Variants in CWF19L2 observed in about 807,000 individuals in gnomAD.
The protein encoded by CWF19L2 is CWF19 like cell cycle control factor 2.
CWF19L2 carries 98 observed loss-of-function variants against 111.7 expected under a neutral mutation model. The observed-to-expected ratio is 0.88, with a 90% CI of 0.75 to 1.04. CWF19L2 has a LOEUF of 1.04. Ranked by LOEUF, CWF19L2 falls within the 50% of genes least tolerant of loss-of-function variation. The probability of loss-of-function intolerance (pLI) is 0.00; values close to 1 mark genes in which losing one functional copy is unlikely to be tolerated. For synonymous variants in CWF19L2, 351 were observed against 342.9 expected (o/e 1.02, Z -0.26); for missense variants, 1,101 against 1,051.4 (o/e 1.05, Z -0.65).
At chr11:107,389,977 A>C in intron 12 of CWF19L2, 97 bp downstream of exon 12, 1 of 1,024,344 alleles carries the variant, frequency 9.8e-7, no homozygotes, top group Non-Finnish European at 1.4e-6. Flanking sequence ...AAATGAATCA[A>C]GATTAGAGAG....
chr11:107,421,946 G>A (rs35576861), intron 8 of CWF19L2, among the ~76,000 whole-genome samples: 20,366 of 152,036 alleles, frequency 0.13, 1,612 homozygotes, highest in Non-Finnish European at 0.17. Context: ...TAGCCAAAAC[G>A]TGGAAACAAT....
chr11:107,379,693 A>G (rs1408637998), intron 12 of CWF19L2, among the ~76,000 whole-genome samples: 1 of 152,224 alleles, frequency 6.6e-6, no homozygotes, highest in Non-Finnish European at 1.5e-5. Flanking sequence ...ATGAAAGCTA[A>G]TTTGTTTTCC....
At chr11:107,418,064 T>C in intron 9 of CWF19L2, 130 bp downstream of exon 9, 1 of 669,524 alleles carries the variant, frequency 1.5e-6, no homozygotes, top group South Asian at 1.6e-5. Flanking sequence ...GAGAATTTCT[T>C]TAAGGAATCA....
At chr11:107,386,495 A>C (rs1860768563) in intron 12 of CWF19L2, among the ~76,000 whole-genome samples, 1 of 152,164 alleles carries the variant, frequency 6.6e-6, no homozygotes, top group Non-Finnish European at 1.5e-5. Context: ...ACCCATAGTT[A>C]TTAAAGTCAC....
At chr11:107,435,563 A>G (rs959029461) in intron 6 of CWF19L2, among the ~76,000 whole-genome samples, 10 of 152,170 alleles carry the variant, frequency 6.6e-5, no homozygotes, top group Non-Finnish European at 1.3e-4. Flanking sequence ...AGGAAATCCA[A>G]TGGGAGTAAA....
intron 12 of CWF19L2, among the ~76,000 whole-genome samples, chr11:107,373,658 C>A (rs1860550613): frequency 7.7e-6 from 1 of 130,162 alleles, no homozygotes. Flanking sequence ...GATAAAACCA[C>A]AAAGATGGGG....
At chr11:107,403,797 C>G (rs937772906) in intron 10 of CWF19L2, 2 of 869,228 alleles carry the variant, frequency 2.3e-6, no homozygotes, top group African/African-American at 3.3e-5. Context: ...TCCATATCCA[C>G]TTCTACTGTC....
In CWF19L2 at chr11:107,326,641, G is replaced by A. The variant is rs898635827; in HGVS notation, c.*269C>T. On this transcript the variant is annotated 3_prime_UTR_variant, in exon 18 of 18. Transcript: ENST00000282251. ...CTTCTCTAAATTAACTGAACAATTC[G>A]GAATACCAAGAAGTAGGTAGAGAGC... 4 of 297,712 alleles carry A rather than the reference G, an allele frequency of 1.3e-5. No individual in the cohort carries two copies. The highest frequency in any genetic ancestry group is 1.1e-4 in the East Asian group (2 of 18,404). 18.4% of individuals were successfully genotyped at this position (297,712 alleles called of 1,614,324 possible).
chr11:107,443,205 G>C (rs553106062), intron 3 of CWF19L2, among the ~76,000 whole-genome samples, 156 bp from the exon 4 acceptor site: 1 of 152,260 alleles, frequency 6.6e-6, no homozygotes, highest in East Asian at 1.9e-4. Flanking sequence ...AAAGAGCTGG[G>C]TGTGGTGGCT....
chr11:107,349,946 A>T (rs1359873605), intron 13 of CWF19L2, among the ~76,000 whole-genome samples: 1 of 152,176 alleles, frequency 6.6e-6, no homozygotes, highest in African/African-American at 2.4e-5. Context: ...GAAATCACTG[A>T]ATTTTCTACA....
rs562782442 is a variant in CWF19L2, at chr11:107,423,882, C to T, written c.1433+4917G>A. The stretch of plus-strand genomic sequence containing the variant: ...TGAGGATTATTAACACAAACGACTA[C>T]ATCAAATGTCAATATGACAATAGAT... On this transcript the variant is annotated intron_variant, in intron 8 of 17. Coordinates refer to ENST00000282251, the MANE Select transcript of CWF19L2 (RefSeq NM_152434.3). Among the ~76,000 whole-genome samples, 113 of 151,636 alleles carry T rather than the reference C, an allele frequency of 7.5e-4. 1 individual carries two copies. Among genetic ancestry groups the T allele is most frequent in the Non-Finnish European group, 1.4e-3 (92 of 67,732 alleles).
rs567311729 is a variant in CWF19L2, at chr11:107,432,020, C to T, written c.780+1614G>A. ...AAGTAAGTACAGCTGCATATTTTTA[C>T]GATTGTGGGGTGGGGAAGGCCTGTC... is the stretch of plus-strand genomic sequence containing the variant. On this transcript the variant is annotated intron_variant, in intron 7 of 17. Coordinates refer to ENST00000282251, the MANE Select transcript of CWF19L2 (RefSeq NM_152434.3). Among the ~76,000 whole-genome samples the T allele has an allele frequency of 1.6e-4, 25 of 151,922 alleles. No individual in the cohort carries two copies. The South Asian group carries it at 4.4e-3, about 27-fold the overall frequency.
intron 8 of CWF19L2, among the ~76,000 whole-genome samples, chr11:107,424,444 C>A (rs1406943648): frequency 5.6e-5 from 7 of 124,796 alleles, no homozygotes; most frequent in African/African-American, 2.0e-4. Context: ...CTTCTATACA[C>A]CCTTTTATAA....
intron 17 of CWF19L2, among the ~76,000 whole-genome samples, chr11:107,329,083 A>T (rs1264299157): frequency 6.6e-6 from 1 of 152,170 alleles, no homozygotes; most frequent in Non-Finnish European, 1.5e-5. Flanking sequence ...AGCAGAGTTC[A>T]CCAAGGCCCC....
At chr11:107,327,976 C>T (rs557789859) in intron 17 of CWF19L2, among the ~76,000 whole-genome samples, 5 of 152,042 alleles carry the variant, frequency 3.3e-5, no homozygotes, top group Admixed American at 6.6e-5. Flanking sequence ...AAGCAAATGC[C>T]GTATGTTGTA....
In CWF19L2 at chr11:107,439,104, G is replaced by C. The variant is rs1212730735; in HGVS notation, c.650C>G (p.Ser217Ter). Residue 217 changes from serine (S) to a stop codon, truncating the protein, a stop_gained, in exon 6 of 18, where the codon TCA becomes TGA. Transcript: ENST00000282251. LOFTEE classifies it high-confidence loss of function. ...TGLPPEDCSVSSITKVSVVED... is the reference protein window; with the variant it reads ...TGLPPEDCSV ...TGTAGAAATACCTTTAGTAATCGAT[G>C]ACACACTACAGTCTTCAGGTGGAAG... is the stretch of plus-strand genomic sequence containing the variant. The C allele has an allele frequency of 1.2e-5, 17 of 1,401,094 alleles. No individual in the cohort carries two copies. The highest frequency in any genetic ancestry group is 1.5e-5 in the Non-Finnish European group (15 of 1,002,784). 86.8% of individuals were successfully genotyped at this position (1,401,094 alleles called of 1,614,324 possible). A position where few individuals can be genotyped will look rare whatever the true frequency, so the allele number is the denominator to read the frequency against.
Position 107,334,928 on chromosome 11 carries a change from T to C in CWF19L2, c.2392A>G (p.Met798Val), listed in dbSNP as rs1272845981. The C allele has an allele frequency of 1.9e-6, 3 of 1,608,226 alleles. No individual in the cohort carries two copies. Among genetic ancestry groups the C allele is most frequent in the South Asian group, 1.1e-5 (1 of 90,692 alleles). The stretch of plus-strand genomic sequence containing the variant: ...GAGAGATCTATCAACTTCTTGTTCA[T>C]GGACCACTCTTCATCAGATTCCATT... The part of the protein sequence containing the change: ...AIMESDEEWS[M>V]NKKLIDLSSK... The change falls in exon 16 of 18, where the codon ATG becomes GTG. Residue 798 changes from methionine (M) to valine (V), a missense_variant. By Grantham distance (21) the Met-to-Val change is conservative (BLOSUM62 1). Coordinates refer to ENST00000282251, the MANE Select transcript of CWF19L2 (RefSeq NM_152434.3).
intron 10 of CWF19L2, chr11:107,403,826 A>C: frequency 1.2e-6 from 1 of 827,284 alleles, no homozygotes; most frequent in Non-Finnish European, 2.1e-6. Flanking sequence ...CAACCTTTTA[A>C]GTTCATTGTT....
intron 12 of CWF19L2, among the ~76,000 whole-genome samples, chr11:107,361,471 T>C (rs1213945193): frequency 6.6e-6 from 1 of 152,190 alleles, no homozygotes; most frequent in Non-Finnish European, 1.5e-5. Context: ...CTTTTTTGGT[T>C]CCATATGAAT....
Sources: allele counts gnomAD v4.1 joint callset (sites outside exome capture counted in the v4.1 genomes callset), GRCh38; gene constraint gnomAD v4.1.1; transcripts MANE v1.5; gene names NCBI Gene and HGNC (gene_info 2026-07-23, HGNC 2026-07-21).